The following ANKS1B variants were observed in gnomAD, a reference collection of about 807,000 sequenced individuals.
The protein encoded by ANKS1B is ankyrin repeat and sterile alpha motif domain containing 1B, also known as ankyrin repeat and sterile alpha motif domain-containing protein 1B.
In ANKS1B, 36 loss-of-function variants were observed where a neutral mutation model predicts 148.3. The ratio of observed to expected loss-of-function variants is 0.24; its 90% CI spans 0.19 to 0.32. The LOEUF (loss-of-function observed/expected upper bound fraction) is 0.32, where lower values mean the gene tolerates loss of function less well. ANKS1B is among the 10% of genes least tolerant of loss of function. The pLI is 1.00. For synonymous variants in ANKS1B, 542 were observed against 560.8 expected (o/e 0.97, Z 0.47); for missense variants, 1,157 against 1,542.6 (o/e 0.75, Z 4.19).
chr12:98,764,851 G>A (rs1379333325), intron 25 of ANKS1B, among the ~76,000 whole-genome samples: 1 of 152,192 alleles, frequency 6.6e-6, no homozygotes, highest in Admixed American at 6.5e-5. Flanking sequence ...TGCAGTGCCC[G>A]GGTGGCATGG....
chr12:99,717,934 C>G (rs1460241102), intron 8 of ANKS1B, among the ~76,000 whole-genome samples: 1 of 135,962 alleles, frequency 7.4e-6, no homozygotes, highest in Middle Eastern at 3.9e-3. Context: ...GACGGAGTCT[C>G]GCTCTGTCGC....
At chr12:98,969,933 G>T (rs1164024328) in intron 17 of ANKS1B, among the ~76,000 whole-genome samples, 1 of 152,186 alleles carries the variant, frequency 6.6e-6, no homozygotes, top group Non-Finnish European at 1.5e-5. Context: ...GAGAAACAAT[G>T]AGTCATTCAC....
At chr12:99,705,460 T>C (rs1307438156) in intron 8 of ANKS1B, among the ~76,000 whole-genome samples, 1 of 152,104 alleles carries the variant, frequency 6.6e-6, no homozygotes, top group Non-Finnish European at 1.5e-5. Context: ...TTGTCAAGAC[T>C]TCTCCAACTA....
At chr12:99,501,373 T>G (rs1021904463) in intron 10 of ANKS1B, among the ~76,000 whole-genome samples, 1 of 152,120 alleles carries the variant, frequency 6.6e-6, no homozygotes, top group Non-Finnish European at 1.5e-5. Flanking sequence ...GAGAGTATAT[T>G]TCTCTCCAGA....
At chr12:99,491,292 A>G (rs1048963189) in intron 10 of ANKS1B, among the ~76,000 whole-genome samples, 1 of 147,038 alleles carries the variant, frequency 6.8e-6, no homozygotes, top group Non-Finnish European at 1.5e-5. Context: ...GCGACAGAGC[A>G]AGGCTCCATC....
At chr12:99,504,452 C>T in intron 10 of ANKS1B, 24 bp downstream of exon 10, 1 of 1,605,310 alleles carries the variant, frequency 6.2e-7, no homozygotes, top group Non-Finnish European at 8.5e-7. Flanking sequence ...TTGAATCAGG[C>T]CAATTGTGAG....
At chr12:99,029,564 G>A (rs754038581) in intron 17 of ANKS1B, among the ~76,000 whole-genome samples, 6 of 152,148 alleles carry the variant, frequency 3.9e-5, no homozygotes, top group African/African-American at 9.7e-5. Context: ...CAGGGTAAGC[G>A]GTGAGGAAAG....
At chr12:99,315,222 G>C (rs1157532462) in intron 12 of ANKS1B, among the ~76,000 whole-genome samples, 4 of 149,406 alleles carry the variant, frequency 2.7e-5, no homozygotes, top group African/African-American at 1.0e-4. Flanking sequence ...CCTAGTGACA[G>C]TGTGAGACTT....
chr12:99,062,988 C>G (rs762757023), intron 16 of ANKS1B, among the ~76,000 whole-genome samples: 1 of 152,148 alleles, frequency 6.6e-6, no homozygotes, highest in African/African-American at 2.4e-5. Flanking sequence ...GATGCTTGTA[C>G]GTGAAGTACC....
chr12:98,806,118 C>A (rs139102842), intron 20 of ANKS1B, among the ~76,000 whole-genome samples: 2 of 152,170 alleles, frequency 1.3e-5, no homozygotes. Flanking sequence ...GTGATCCACC[C>A]GCCTTGGCCT....
intron 12 of ANKS1B, among the ~76,000 whole-genome samples, chr12:99,257,892 A>G (rs1602140902): frequency 6.6e-6 from 1 of 152,232 alleles, no homozygotes; most frequent in East Asian, 1.9e-4. Flanking sequence ...TATTATTCCC[A>G]TCTGCACTCA....
At chr12:99,291,000 T>C (rs1412381618) in intron 12 of ANKS1B, among the ~76,000 whole-genome samples, 1 of 152,080 alleles carries the variant, frequency 6.6e-6, no homozygotes, top group Non-Finnish European at 1.5e-5. Flanking sequence ...TGTTTACAGA[T>C]GATAAAATCT....
intron 17 of ANKS1B, among the ~76,000 whole-genome samples, chr12:98,991,667 G>A (rs1427065917): frequency 1.3e-5 from 2 of 152,158 alleles, no homozygotes; most frequent in African/African-American, 4.8e-5. Context: ...ACTACCCTAC[G>A]AAGCAGGTAC....
At chr12:98,816,576 G>A (rs994686909) in intron 19 of ANKS1B, among the ~76,000 whole-genome samples, 3 of 152,172 alleles carry the variant, frequency 2.0e-5, no homozygotes, top group Admixed American at 1.3e-4. Context: ...ACAGGTGTGA[G>A]CCACTGCACC....
At chr12:99,119,085 G>A (rs2062084447) in intron 15 of ANKS1B, among the ~76,000 whole-genome samples, 1 of 152,156 alleles carries the variant, frequency 6.6e-6, no homozygotes, top group South Asian at 2.1e-4. Flanking sequence ...TAGGAGACAG[G>A]AACTTGCAGT....
Position 98,829,487 on chromosome 12 carries a change from C to T in ANKS1B, c.2887-134G>A. 1.3e-6 allele frequency: 1 copy of T among 757,892 alleles called. No homozygotes were observed. The highest frequency in any genetic ancestry group is 2.9e-5 in the Admixed American group (1 of 35,044). The allele number at this position is 757,892 out of a possible 1,614,324, so 46.9% of individuals were successfully genotyped here. A position where few individuals can be genotyped will look rare whatever the true frequency, so the allele number is the denominator to read the frequency against. ...GAAGCAACAGCCAAGGAATGAATGA[C>T]ATTCCACCACTTTATTAATGGCATG... On this transcript the variant is annotated intron_variant, in intron 18 of 26. Coordinates refer to ENST00000683438, the MANE Select transcript of ANKS1B (RefSeq NM_001352186.2). This position sits in a 1 kb window ranked among gnomAD's most constrained non-coding sequence, Gnocchi z 5.2.
At chr12:99,573,353 T>A (rs998765001) in intron 9 of ANKS1B, among the ~76,000 whole-genome samples, 1 of 152,132 alleles carries the variant, frequency 6.6e-6, no homozygotes, top group Non-Finnish European at 1.5e-5. Context: ...TAGACATACA[T>A]TGACATATGA....
Position 99,762,983 on chromosome 12 carries a change from T to TA in ANKS1B, c.1128+9938dup, listed in dbSNP as rs985799308. On this transcript the variant is annotated intron_variant, in intron 8 of 26. Transcript: ENST00000683438. ...GTCACAATGACTATTATTAAAAAGTTAAAAAAAAAACAGATGTTGGTGAGG... is the reference window on the plus strand; with the variant it reads ...GTCACAATGACTATTATTAAAAAGTTAAAAAAAAAAACAGATGTTGGTGAGG... Among the ~76,000 whole-genome samples the TA allele has an allele frequency of 5.9e-3, 877 of 148,736 alleles. 10 individuals carry two copies. Among genetic ancestry groups the TA allele is most frequent in the African/African-American group, 0.02 (803 of 40,652 alleles).
chr12:99,410,879 T>C (rs1278384166), intron 11 of ANKS1B, among the ~76,000 whole-genome samples: 13 of 152,220 alleles, frequency 8.5e-5, no homozygotes, highest in African/African-American at 2.9e-4. Flanking sequence ...TATTTGCTAC[T>C]TAACGTATTG....
Sources: gnomAD v4.1 joint callset for allele counts (sites outside exome capture counted in the v4.1 genomes callset) on GRCh38, gnomAD v4.1.1 for gene constraint, Gnocchi (gnomAD v3.1) non-coding constraint, MANE v1.5 for transcripts, NCBI Gene and HGNC (gene_info 2026-07-23, HGNC 2026-07-21) for gene names.